Variants in PKHD1L1 observed in about 807,000 individuals in gnomAD.
The protein encoded by PKHD1L1 is PKHD1 like 1, also known as fibrocystin-L.
PKHD1L1 carries 434 observed loss-of-function variants against 462.9 expected under a neutral mutation model. The ratio of observed to expected loss-of-function variants is 0.94; its 90% CI spans 0.87 to 1.02. PKHD1L1 has a LOEUF of 1.02. PKHD1L1 is among the 50% of genes least tolerant of loss of function. The pLI, the probability that PKHD1L1 is intolerant of heterozygous loss-of-function variation, is 0.00. For missense variants in PKHD1L1, 5,202 were observed against 5,096.1 expected (o/e 1.02, Z -0.63); for synonymous variants, 1,781 against 1,750.0 (o/e 1.02, Z -0.44).
At chr8:109,443,140 T>G in intron 36 of PKHD1L1, 24 bp downstream of exon 36, 1 of 1,608,154 alleles carries the variant, frequency 6.2e-7, no homozygotes, top group Non-Finnish European at 8.5e-7. Context: ...AGATGGAAAC[T>G]CTGTTACACA....
intron 71 of PKHD1L1, among the ~76,000 whole-genome samples, chr8:109,513,778 T>C (rs1586652198): frequency 6.6e-6 from 1 of 152,198 alleles, no homozygotes; most frequent in East Asian, 1.9e-4. Flanking sequence ...CATCTGCAAG[T>C]TGTTTTGAGT....
intron 28 of PKHD1L1, 66 bp from the exon 29 acceptor site, chr8:109,435,124 C>T (rs1299494104): frequency 6.5e-7 from 1 of 1,540,164 alleles, no homozygotes. Flanking sequence ...TATTTGCAAG[C>T]ATAACTTTTA....
In PKHD1L1 at chr8:109,527,480, C is replaced by T. The variant is rs182630138; in HGVS notation, c.12721+460C>T. Among the ~76,000 whole-genome samples the T allele has an allele frequency of 6.2e-4, 94 of 152,002 alleles. 1 individual carries two copies. The highest frequency in any genetic ancestry group is 3.4e-3 in the Middle Eastern group (1 of 294). ...GATCCCACCACTGCACTCCAGCCTG[C>T]GTGACAGAACAAGACTCTGTCAAAA... is the stretch of plus-strand genomic sequence containing the variant. On this transcript the variant is annotated intron_variant, in intron 77 of 77. Coordinates refer to ENST00000378402, the MANE Select transcript of PKHD1L1 (RefSeq NM_177531.6).
intron 21 of PKHD1L1, among the ~76,000 whole-genome samples, chr8:109,416,314 A>G (rs1814167550): frequency 6.6e-6 from 1 of 152,246 alleles, no homozygotes; most frequent in South Asian, 2.1e-4. Context: ...TTGTTTACAC[A>G]AAGTTCATTA....
chr8:109,485,929 G>A (rs1818501742), intron 58 of PKHD1L1, among the ~76,000 whole-genome samples: 1 of 151,978 alleles, frequency 6.6e-6, no homozygotes, highest in East Asian at 1.9e-4. Flanking sequence ...TTTGAAAAAT[G>A]TTTCATTGTA....
At chr8:109,525,451 A>T (rs1436329332) in intron 76 of PKHD1L1, among the ~76,000 whole-genome samples, 1 of 152,148 alleles carries the variant, frequency 6.6e-6, no homozygotes, top group Non-Finnish European at 1.5e-5. Flanking sequence ...TTTGCTCACA[A>T]TTGTGTGTGT....
chr8:109,364,593 T>A lies in PKHD1L1; in HGVS notation c.120T>A (p.Tyr40Ter). 6.2e-7 allele frequency: 1 copy of A among 1,603,794 alleles called. No homozygotes were observed. Among genetic ancestry groups the A allele is most frequent in the Non-Finnish European group, 8.5e-7 (1 of 1,173,664 alleles). ...AAGTCACAGAAATAATACCTAAATA[T>A]GGCAGTATAAATGGAGCAACAAGGC... ...IPKVTEIIPKYGSINGATRLT... is the reference protein window; with the variant it reads ...IPKVTEIIPK The change falls in exon 2 of 78, where the codon TAT (tyrosine) becomes TAA (stop). Residue 40 changes from tyrosine to a stop codon, truncating the protein, a stop_gained. Transcript: ENST00000378402. LOFTEE classifies it high-confidence loss of function.
chr8:109,502,001 G>A (rs1015139427), intron 67 of PKHD1L1, among the ~76,000 whole-genome samples: 1 of 151,898 alleles, frequency 6.6e-6, no homozygotes, highest in Non-Finnish European at 1.5e-5. Context: ...ACAAAAAGTA[G>A]GTGACCCTGT....
intron 28 of PKHD1L1, among the ~76,000 whole-genome samples, chr8:109,434,817 C>G (rs1815307618): frequency 6.6e-6 from 1 of 152,006 alleles, no homozygotes; most frequent in Non-Finnish European, 1.5e-5. Flanking sequence ...GTATTTTGCA[C>G]AATTTCAGAC....
chr8:109,380,149 A>C (rs1812037142), intron 2 of PKHD1L1, among the ~76,000 whole-genome samples: 1 of 152,062 alleles, frequency 6.6e-6, no homozygotes, highest in Non-Finnish European at 1.5e-5. Flanking sequence ...ATTATAGAGT[A>C]GTATAGCCTG....
chr8:109,464,488 T>C lies in PKHD1L1; in HGVS notation c.7656T>C (p.Leu2552=). Residue 2552 remains leucine, a synonymous_variant, in exon 49 of 78, where the codon CTT becomes CTC. Transcript: ENST00000378402. ...LAVFVQQSTS[L]LNDDVTPAAF... is the part of the protein sequence containing the mutation. ...TATTTGTACAGCAAAGTACCAGTCT[T>C]CTGAATGATGATGTGACCCCGGCTG... The C allele has an allele frequency of 6.2e-7, 1 of 1,613,742 alleles. No individual in the cohort carries two copies. Among genetic ancestry groups the C allele is most frequent in the Non-Finnish European group, 8.5e-7 (1 of 1,179,778 alleles).
intron 59 of PKHD1L1, 135 bp downstream of exon 59, chr8:109,486,956 C>T (rs1398221883): frequency 1.1e-6 from 1 of 886,272 alleles, no homozygotes; most frequent in Non-Finnish European, 1.6e-6. Flanking sequence ...GATTATGTAG[C>T]CCAGTTTTTA....
In PKHD1L1 at chr8:109,442,976, G is replaced by A. The variant is rs866671156; in HGVS notation, c.4424G>A (p.Gly1475Glu). ...TTTTCTTACCAATTTACTTCTCCTG[G>A]AATCCATTATTATAGCAGCGGGTAT... ...GSFSYQFTSP[G>E]IHYYSSGYVD... The change falls in exon 36 of 78, where the codon GGA becomes GAA. Residue 1475 changes from glycine (G) to glutamate (E), a missense_variant. Transcript: ENST00000378402. 6.2e-7 allele frequency: 1 copy of A among 1,613,202 alleles called. No homozygotes were observed. Among genetic ancestry groups the A allele is most frequent in the South Asian group, 1.1e-5 (1 of 91,014 alleles).
At chr8:109,526,150 T>G (rs1195852072) in intron 76 of PKHD1L1, among the ~76,000 whole-genome samples, 1 of 152,220 alleles carries the variant, frequency 6.6e-6, no homozygotes, top group Non-Finnish European at 1.5e-5. Context: ...CTCTTTAACA[T>G]TTTTACATTC....
rs60902563 is a variant in PKHD1L1, at chr8:109,364,646, CTTTTTTT to C, written c.163+22_163+28del. 3,117 of 1,030,168 alleles carry C rather than the reference CTTTTTTT, an allele frequency of 3.0e-3. 61 individuals carry two copies. The African/African-American group carries it at 0.055, about 18-fold the overall frequency. 63.8% of individuals were successfully genotyped at this position (1,030,168 alleles called of 1,614,324 possible). ...ACTATAAGAGGGGAAGGTATCGTTG[CTTTTTTT>C]TTTTTTTTTTTGCCAAGGTTGAGGT... On this transcript the variant is annotated intron_variant, in intron 2 of 77. Coordinates refer to ENST00000378402, the MANE Select transcript of PKHD1L1 (RefSeq NM_177531.6).
At chr8:109,528,429 AT>A (rs1820923670) in intron 77 of PKHD1L1, among the ~76,000 whole-genome samples, 2 of 152,234 alleles carry the variant, frequency 1.3e-5, no homozygotes, top group Non-Finnish European at 2.9e-5. Flanking sequence ...CATGCAAAAA[AT>A]ATAATCAACA....
At chr8:109,392,058 A>G (rs1318767721) in intron 9 of PKHD1L1, among the ~76,000 whole-genome samples, 2 of 152,198 alleles carry the variant, frequency 1.3e-5, no homozygotes, top group Non-Finnish European at 2.9e-5. Flanking sequence ...CTTAACAGTT[A>G]TTCTCCTTAG....
rs146511558 is a variant in PKHD1L1 at position 109,379,634 on chromosome 8, C to T, written c.164-1736C>T. ...GGAGCTGGATATAAAGGGCTGCTTCCCTTCACCATCACTCCCTGTTATCCA... is the reference window on the plus strand; with the variant it reads ...GGAGCTGGATATAAAGGGCTGCTTCTCTTCACCATCACTCCCTGTTATCCA... On this transcript the variant is annotated intron_variant, in intron 2 of 77. Transcript: ENST00000378402. 6.5e-3 allele frequency among the ~76,000 whole-genome samples: 983 copies of T among 152,274 alleles called. 7 individuals are homozygous for T. Among genetic ancestry groups the T allele is most frequent in the Middle Eastern group, 0.051 (15 of 294 alleles).
intron 13 of PKHD1L1, 122 bp downstream of exon 13, chr8:109,400,466 G>A (rs1192653550): frequency 5.0e-6 from 6 of 1,199,688 alleles, no homozygotes; most frequent in African/African-American, 3.1e-5. Flanking sequence ...ATGTCATGTG[G>A]TTTGGCTCTT....
Sources: gnomAD v4.1 joint callset for allele counts (sites outside exome capture counted in the v4.1 genomes callset) on GRCh38, gnomAD v4.1.1 for gene constraint, MANE v1.5 for transcripts, NCBI Gene and HGNC (gene_info 2026-07-23, HGNC 2026-07-21) for gene names.